The following NRG3 variants were observed in gnomAD, a reference collection of about 807,000 sequenced individuals.
NRG3 encodes pro-neuregulin-3, membrane-bound isoform.
A neutral mutation model predicts 66.9 loss-of-function variants in NRG3; 31 were observed. The observed-to-expected ratio is 0.46, with a 90% confidence interval of 0.35 to 0.63. The LOEUF is 0.63. Ranked by LOEUF, NRG3 falls within the 20% of genes least tolerant of loss-of-function variation. The probability of loss-of-function intolerance (pLI) is 0.00; values close to 1 mark genes in which losing one functional copy is unlikely to be tolerated. For synonymous variants in NRG3, 393 were observed against 359.4 expected, an observed-to-expected ratio of 1.09 and a Z score of -1.06; for missense variants, 910 against 878.9, an observed-to-expected ratio of 1.04 and a Z score of -0.45.
At position 82,046,174 on chromosome 10, in the gene NRG3, A is replaced by G. The variant is rs924153154; in HGVS notation, c.823+170011A>G. Among the ~76,000 whole-genome samples, 144 of 148,718 alleles carry G rather than the reference A, an allele frequency of 9.7e-4. 2 individuals are homozygous for G. The highest frequency in any genetic ancestry group is 3.4e-3 in the African/African-American group (139 of 40,520). On this transcript the variant is annotated intron_variant, in intron 1 of 8. Transcript: ENST00000372141. ...TACCTTGGGCAGCATGGCCATTTTC[A>G]TGATATTGATTCTTCTTACCCATGA...
At chr10:82,704,968 A>T (rs1253399084) in intron 2 of NRG3, among the ~76,000 whole-genome samples, 1 of 152,218 alleles carries the variant, frequency 6.6e-6, no homozygotes, top group Admixed American at 6.5e-5. Flanking sequence ...ATCTCACACA[A>T]ATCACTGAAT....
chr10:82,903,405 C>A (rs1324225506), intron 4 of NRG3, among the ~76,000 whole-genome samples: 1 of 152,066 alleles, frequency 6.6e-6, no homozygotes, highest in Non-Finnish European at 1.5e-5. Flanking sequence ...GTACCTTAAA[C>A]CTTGCATAAC....
intron 3 of NRG3, among the ~76,000 whole-genome samples, chr10:82,821,515 A>AG (rs1456686057): frequency 6.6e-6 from 1 of 152,148 alleles, no homozygotes; most frequent in Non-Finnish European, 1.5e-5. Flanking sequence ...AAAAAAAAAA[A>AG]AAAAGATTCC....
At chr10:82,689,408 T>C (rs976418689) in intron 2 of NRG3, among the ~76,000 whole-genome samples, 10 of 152,280 alleles carry the variant, frequency 6.6e-5, no homozygotes, top group Admixed American at 3.3e-4. Flanking sequence ...TGTCAGTTAG[T>C]GCACGTAAGT....
chr10:82,682,916 C>T lies in NRG3; in HGVS notation c.954-55661C>T, dbSNP rs377193472. 6.7e-4 allele frequency among the ~76,000 whole-genome samples: 99 copies of T among 147,716 alleles called. 1 individual carries two copies. The highest frequency in any genetic ancestry group is 2.4e-3 in the African/African-American group (98 of 40,122). ...TGTTTACCACACACCCTCTCCCAAA[C>T]AGATTTGTGAAAATACAGACCATGT... On this transcript the variant is annotated intron_variant, in intron 2 of 8. Transcript: ENST00000372141.
chr10:82,599,171 A>C (rs777218282), intron 2 of NRG3, among the ~76,000 whole-genome samples: 2 of 152,226 alleles, frequency 1.3e-5, no homozygotes, highest in African/African-American at 2.4e-5. Context: ...GAGAACTAAA[A>C]TAGTGGCTAC....
chr10:82,287,037 T>C (rs1394973812), intron 1 of NRG3, among the ~76,000 whole-genome samples: 1 of 152,196 alleles, frequency 6.6e-6, no homozygotes, highest in Non-Finnish European at 1.5e-5. Context: ...GCAACAGAAC[T>C]GGGCAGTAGG....
In NRG3 at chr10:82,531,300, A is replaced by G. The variant is rs145324796; in HGVS notation, c.953+172432A>G. On this transcript the variant is annotated intron_variant, in intron 2 of 8. Coordinates refer to ENST00000372141, the MANE Select transcript of NRG3 (RefSeq NM_001010848.4). ...CTTCTCCCATTACCAATGACATAAT[A>G]TTAGAGACAGATTTAAATTAAAAGT... 1.7e-3 allele frequency among the ~76,000 whole-genome samples: 252 copies of G among 151,892 alleles called. 5 individuals are homozygous for G. The East Asian group carries it at 0.042, about 25-fold the overall frequency.
chr10:82,380,653 A>G lies in NRG3; in HGVS notation c.953+21785A>G, dbSNP rs1369422328. On this transcript the variant is annotated intron_variant, in intron 2 of 8. Transcript: ENST00000372141. Reference sequence around the variant, plus strand: ...ATGAGTACAGATTAACACTGAAACAAATTATCTTCATATACCTATTTGACG... The same window carrying G: ...ATGAGTACAGATTAACACTGAAACAGATTATCTTCATATACCTATTTGACG... Among the ~76,000 whole-genome samples, 6 of 152,206 alleles carry G rather than the reference A, an allele frequency of 3.9e-5. No homozygotes were observed. The South Asian group carries it at 6.2e-4, about 16-fold the overall frequency.
chr10:82,080,074 A>C (rs1384283100), intron 1 of NRG3, among the ~76,000 whole-genome samples: 2 of 152,174 alleles, frequency 1.3e-5, no homozygotes, highest in African/African-American at 4.8e-5. Context: ...CTGCAAGGCA[A>C]TCCACAGAGG....
At chr10:82,806,700 A>G (rs1304499712) in intron 3 of NRG3, among the ~76,000 whole-genome samples, 2 of 152,204 alleles carry the variant, frequency 1.3e-5, no homozygotes, top group Non-Finnish European at 2.9e-5. Context: ...GAAAAAGAGA[A>G]TAATTTAGGA....
In NRG3 at chr10:82,927,319, T is replaced by C. The variant is rs557459651; in HGVS notation, c.1055-24150T>C. On this transcript the variant is annotated intron_variant, in intron 4 of 8. Coordinates refer to ENST00000372141, the MANE Select transcript of NRG3 (RefSeq NM_001010848.4). ...TGAGACATTATTTAAATTTTTATTA[T>C]ACATCCCCTGACAAAATAATTTTTA... Among the ~76,000 whole-genome samples the C allele has an allele frequency of 1.2e-4, 19 of 152,356 alleles. No homozygotes were observed. The South Asian group carries it at 3.5e-3, about 28-fold the overall frequency.
chr10:82,612,265 A>G (rs531404316), intron 2 of NRG3, among the ~76,000 whole-genome samples: 9 of 152,058 alleles, frequency 5.9e-5, no homozygotes, highest in Middle Eastern at 3.4e-3. Context: ...GCAAATTCTT[A>G]ACGTTGTATG....
chr10:82,516,162 G>A (rs1162520130), intron 2 of NRG3, among the ~76,000 whole-genome samples: 1 of 151,474 alleles, frequency 6.6e-6, no homozygotes, highest in African/African-American at 2.4e-5. Context: ...GTGTGTGTAT[G>A]TGTGTGTATG....
At chr10:82,016,496 C>T (rs2061792345) in intron 1 of NRG3, among the ~76,000 whole-genome samples, 1 of 151,320 alleles carries the variant, frequency 6.6e-6, no homozygotes, top group Non-Finnish European at 1.5e-5. Context: ...AGCTAAGGCT[C>T]AATGAGGAAG....
intron 1 of NRG3, among the ~76,000 whole-genome samples, chr10:81,996,840 A>G (rs1315668454): frequency 6.6e-6 from 1 of 152,110 alleles, no homozygotes; most frequent in Non-Finnish European, 1.5e-5. Flanking sequence ...ATCATTTTGG[A>G]ACCTTACCAA....
rs1002787032 is a variant in NRG3, at chr10:82,655,137, G to C, written c.954-83440G>C. 3.3e-5 allele frequency among the ~76,000 whole-genome samples: 5 copies of C among 151,728 alleles called. No homozygotes were observed. The South Asian group carries it at 8.3e-4, about 25-fold the overall frequency. The stretch of plus-strand genomic sequence containing the variant: ...CAGAATAAATTCCAAATGGATCAAG[G>C]ATTTTCGTGTTAGAAATAGTACAGT... On this transcript the variant is annotated intron_variant, in intron 2 of 8. Transcript: ENST00000372141.
At chr10:82,002,040 T>G (rs1389599633) in intron 1 of NRG3, among the ~76,000 whole-genome samples, 2 of 152,154 alleles carry the variant, frequency 1.3e-5, no homozygotes, top group Non-Finnish European at 2.9e-5. Flanking sequence ...AAAATCCCTT[T>G]TTGGACAAAC....
At chr10:82,372,567 C>A (rs1483954258) in intron 2 of NRG3, among the ~76,000 whole-genome samples, 3 of 152,162 alleles carry the variant, frequency 2.0e-5, no homozygotes, top group Non-Finnish European at 2.9e-5. Flanking sequence ...TTGTTCCAAT[C>A]AAAAATTAAT....
Sources: allele counts gnomAD v4.1 joint callset (sites outside exome capture counted in the v4.1 genomes callset), GRCh38; gene constraint gnomAD v4.1.1; transcripts MANE v1.5; gene names NCBI Gene and HGNC (gene_info 2026-07-23, HGNC 2026-07-21).